The following TENM4 variants were observed in gnomAD, a reference collection of about 807,000 sequenced individuals.
TENM4 encodes the protein teneurin-4.
Under a neutral mutation model 243.3 loss-of-function variants are expected in TENM4, and 82 were observed. That is an observed-to-expected ratio of 0.34 (90% CI 0.28 to 0.40). TENM4 has a LOEUF of 0.40. Among genes scored for constraint, TENM4 ranks in the 10% least tolerant of loss-of-function variants. TENM4 has a pLI of 1.00. For synonymous variants in TENM4, 1,412 were observed against 1,456.3 expected (o/e 0.97, Z 0.69); for missense variants, 3,138 against 3,673.3 (o/e 0.85, Z 3.77).
chr11:79,285,353 A>G (rs994860001), intron 2 of TENM4, among the ~76,000 whole-genome samples: 4 of 152,226 alleles, frequency 2.6e-5, no homozygotes, highest in African/African-American at 9.6e-5. Flanking sequence ...TAAAAAAGAC[A>G]TAAAAAGTAT....
At chr11:78,947,950 G>T (rs1030173585) in intron 6 of TENM4, among the ~76,000 whole-genome samples, 7 of 152,134 alleles carry the variant, frequency 4.6e-5, no homozygotes, top group Non-Finnish European at 7.4e-5. Flanking sequence ...GTAAAGCATT[G>T]CTTGGTTGTG....
chr11:78,864,531 G>A (rs140756932), intron 9 of TENM4, among the ~76,000 whole-genome samples: 167 of 149,526 alleles, frequency 1.1e-3, no homozygotes, highest in Non-Finnish European at 1.6e-3. Flanking sequence ...ACCATAAGGC[G>A]CAAAAGAATG....
chr11:78,691,784 C>T (rs1858832999), intron 28 of TENM4, among the ~76,000 whole-genome samples: 1 of 152,176 alleles, frequency 6.6e-6, no homozygotes, highest in African/African-American at 2.4e-5. Context: ...GACTGAATGT[C>T]TTAATGAAAT....
intron 1 of TENM4, among the ~76,000 whole-genome samples, chr11:79,372,315 T>G (rs1406043056): frequency 1.3e-5 from 2 of 152,162 alleles, no homozygotes; most frequent in African/African-American, 2.4e-5. Flanking sequence ...TCTTTTGCAG[T>G]AAAATGTAAT....
chr11:78,953,122 A>G (rs1857137938), intron 6 of TENM4, among the ~76,000 whole-genome samples: 1 of 152,206 alleles, frequency 6.6e-6, no homozygotes, highest in Non-Finnish European at 1.5e-5. Flanking sequence ...AAAAAGCATC[A>G]CAGCGTTTCA....
At chr11:79,333,462 A>T (rs1354472612) in intron 1 of TENM4, among the ~76,000 whole-genome samples, 1 of 152,214 alleles carries the variant, frequency 6.6e-6, no homozygotes, top group Non-Finnish European at 1.5e-5. Flanking sequence ...ATGTGTCAAC[A>T]TCCCTATTAC....
At chr11:78,974,327 A>C (rs771303632) in intron 6 of TENM4, among the ~76,000 whole-genome samples, 11 of 152,192 alleles carry the variant, frequency 7.2e-5, no homozygotes, top group South Asian at 2.1e-4. Context: ...CCATGATCTC[A>C]TGTGATCCTT....
intron 6 of TENM4, among the ~76,000 whole-genome samples, chr11:78,980,861 C>A (rs894256945): frequency 6.6e-6 from 1 of 152,076 alleles, no homozygotes; most frequent in Non-Finnish European, 1.5e-5. Flanking sequence ...TGTTGATATA[C>A]TTTATCTTTA....
intron 6 of TENM4, among the ~76,000 whole-genome samples, chr11:79,055,352 C>T (rs751125913): frequency 6.6e-6 from 1 of 151,990 alleles, no homozygotes; most frequent in Non-Finnish European, 1.5e-5. Context: ...AGTGATCCTC[C>T]CACCTCAGCT....
intron 6 of TENM4, among the ~76,000 whole-genome samples, chr11:78,983,349 C>T (rs1330511395): frequency 1.3e-5 from 2 of 152,174 alleles, no homozygotes; most frequent in Non-Finnish European, 2.9e-5. Flanking sequence ...ACTCTTAGTG[C>T]CTTATTTTAA....
At chr11:78,862,299 C>T (rs1443469035) in intron 10 of TENM4, among the ~76,000 whole-genome samples, 2 of 152,062 alleles carry the variant, frequency 1.3e-5, no homozygotes, top group African/African-American at 2.4e-5. Context: ...TAGTGCAATC[C>T]TTTGCACCAA....
chr11:79,337,842 G>T (rs1012209426), intron 1 of TENM4, among the ~76,000 whole-genome samples: 1 of 152,216 alleles, frequency 6.6e-6, no homozygotes, highest in Non-Finnish European at 1.5e-5. Flanking sequence ...AAGGACAGGG[G>T]CAAAGTGGGT....
At chr11:79,352,588 T>C (rs1857432342) in intron 1 of TENM4, among the ~76,000 whole-genome samples, 3 of 152,030 alleles carry the variant, frequency 2.0e-5, no homozygotes, top group African/African-American at 7.2e-5. Flanking sequence ...ATGACCCCCA[T>C]GGAAGATTAG....
rs375601895 is a variant in TENM4 at position 78,704,034 on chromosome 11, TACACACACACAC to T, written c.4210-1643_4210-1632del. 1.4e-4 allele frequency among the ~76,000 whole-genome samples: 20 copies of T among 138,272 alleles called. No homozygotes were observed. The South Asian group carries it at 3.6e-3, about 25-fold the overall frequency. The allele number at this position is 138,272 out of a possible 152,430, so 90.7% of individuals were successfully genotyped here. A position where few individuals can be genotyped will look rare whatever the true frequency, so the allele number is the denominator to read the frequency against. On this transcript the variant is annotated intron_variant, in intron 27 of 33. Coordinates refer to ENST00000278550, the MANE Select transcript of TENM4 (RefSeq NM_001098816.3). The stretch of plus-strand genomic sequence containing the variant: ...ACACACACACACACACATATATATA[TACACACACACAC>T]ACACACACACACACACACATATATA...
chr11:78,941,671 G>C (rs2136457487), intron 6 of TENM4, among the ~76,000 whole-genome samples: 1 of 152,268 alleles, frequency 6.6e-6, no homozygotes, highest in African/African-American at 2.4e-5. Flanking sequence ...GAACCCCTTG[G>C]CTCTCAGCGC....
chr11:78,963,651 C>A (rs1040488393), intron 6 of TENM4, among the ~76,000 whole-genome samples: 5 of 151,454 alleles, frequency 3.3e-5, no homozygotes, highest in Non-Finnish European at 5.9e-5. Context: ...GGGTGGGAAG[C>A]TTTTTGTGGT....
At chr11:78,885,926 TACAC>T (rs766656354) in intron 9 of TENM4, among the ~76,000 whole-genome samples, 2 of 151,470 alleles carry the variant, frequency 1.3e-5, no homozygotes, top group East Asian at 3.9e-4. Context: ...CCCCCATCTC[TACAC>T]AAACAAACAA....
intron 2 of TENM4, among the ~76,000 whole-genome samples, chr11:79,223,127 C>A (rs893141893): frequency 6.6e-6 from 1 of 151,872 alleles, no homozygotes; most frequent in South Asian, 2.1e-4. Flanking sequence ...CACATGTATC[C>A]CAGAACTTAA....
At chr11:78,708,984 TAA>T (rs1555068584) in intron 26 of TENM4, among the ~76,000 whole-genome samples, 6 of 145,256 alleles carry the variant, frequency 4.1e-5, no homozygotes, top group Non-Finnish European at 6.0e-5. Flanking sequence ...TTTTTTTTTT[TAA>T]AAAAAGAGTC....
Sources: gnomAD v4.1 joint callset for allele counts (sites outside exome capture counted in the v4.1 genomes callset) on GRCh38, gnomAD v4.1.1 for gene constraint, MANE v1.5 for transcripts, NCBI Gene and HGNC (gene_info 2026-07-23, HGNC 2026-07-21) for gene names.